Variants in TAFA2 observed in about 807,000 individuals in gnomAD.
TAFA2 encodes the protein chemokine-like protein TAFA-2.
TAFA2 carries 7 observed loss-of-function variants against 18.8 expected under a neutral mutation model. The ratio of observed to expected loss-of-function variants is 0.37; its 90% confidence interval spans 0.21 to 0.70. TAFA2 has a LOEUF of 0.70. Ranked by LOEUF, TAFA2 falls within the 30% of genes least tolerant of loss-of-function variation. TAFA2 has a pLI of 0.53. For missense variants in TAFA2, 122 were observed against 158.1 expected, an observed-to-expected ratio of 0.77 and a Z score of 1.23; for synonymous variants, 60 against 54.2, an observed-to-expected ratio of 1.11 and a Z score of -0.47.
intron 1 of TAFA2, among the ~76,000 whole-genome samples, chr12:62,257,640 T>C (rs1291639142): frequency 6.6e-6 from 1 of 152,178 alleles, no homozygotes; most frequent in African/African-American, 2.4e-5. Flanking sequence ...CTCTCTAGGT[T>C]ACGTTTTAAA....
chr12:62,099,457 A>T (rs973912284), intron 1 of TAFA2, among the ~76,000 whole-genome samples: 1 of 152,168 alleles, frequency 6.6e-6, no homozygotes, highest in Non-Finnish European at 1.5e-5. Flanking sequence ...TAGTTTTGAG[A>T]ATCTTAGACC....
intron 1 of TAFA2, among the ~76,000 whole-genome samples, chr12:62,099,970 C>A (rs547056750): frequency 3.9e-4 from 60 of 152,114 alleles, no homozygotes; most frequent in Non-Finnish European, 7.4e-4. Context: ...TGTAAATATT[C>A]TTTTAAAGTA....
At chr12:61,989,937 C>T (rs1879945163) in intron 1 of TAFA2, among the ~76,000 whole-genome samples, 1 of 152,078 alleles carries the variant, frequency 6.6e-6, no homozygotes, top group Non-Finnish European at 1.5e-5. Flanking sequence ...ATTTCACCTC[C>T]AAAACAGCAC....
intron 1 of TAFA2, among the ~76,000 whole-genome samples, chr12:61,935,023 C>A (rs1361444130): frequency 6.6e-6 from 1 of 152,108 alleles, no homozygotes; most frequent in Non-Finnish European, 1.5e-5. Context: ...CCAAGCCTGG[C>A]ACGAGTACAT....
At chr12:61,921,459 T>C (rs1386620223) in intron 1 of TAFA2, among the ~76,000 whole-genome samples, 1 of 152,168 alleles carries the variant, frequency 6.6e-6, no homozygotes, top group East Asian at 1.9e-4. Context: ...GTTTGTGCAA[T>C]GGAAGAATAG....
chr12:62,197,039 C>A (rs978355864), upstream of TAFA2, among the ~76,000 whole-genome samples: 3 of 152,144 alleles, frequency 2.0e-5, no homozygotes, highest in African/African-American at 7.2e-5. Context: ...AGATCAGCTG[C>A]GGCATTAGAT....
chr12:62,245,232 A>G (rs767651435), intron 1 of TAFA2, among the ~76,000 whole-genome samples: 15 of 152,100 alleles, frequency 9.9e-5, no homozygotes, highest in Non-Finnish European at 1.9e-4. Context: ...CACATAATGA[A>G]TAGTGCAACA....
chr12:62,177,134 G>C lies in TAFA2; in HGVS notation c.-2+14125C>G, dbSNP rs953431904. Reference sequence around the variant, plus strand: ...ATCTCCATAGAAAGCAAAGACAACAGGGGGGAAACCTTCATCCCTTCAGAG... The same window carrying C: ...ATCTCCATAGAAAGCAAAGACAACACGGGGGAAACCTTCATCCCTTCAGAG... On this transcript the variant is annotated intron_variant, in intron 1 of 4. Coordinates refer to ENST00000416284, the MANE Select transcript of TAFA2 (RefSeq NM_178539.5). Among the ~76,000 whole-genome samples, 6 of 152,236 alleles carry C rather than the reference G, an allele frequency of 3.9e-5. No homozygotes were observed. The East Asian group carries it at 9.6e-4, about 24-fold the overall frequency.
At chr12:61,780,397 T>A (rs1350337294) in intron 2 of TAFA2, among the ~76,000 whole-genome samples, 1 of 151,812 alleles carries the variant, frequency 6.6e-6, no homozygotes, top group Non-Finnish European at 1.5e-5. Context: ...AACATGCCCC[T>A]CTGCCTGGCT....
At chr12:62,036,071 A>C (rs1181431201) in intron 1 of TAFA2, among the ~76,000 whole-genome samples, 1 of 151,954 alleles carries the variant, frequency 6.6e-6, no homozygotes, top group Non-Finnish European at 1.5e-5. Flanking sequence ...CCTGTCCTGA[A>C]TACTGTAGCA....
Position 61,927,069 on chromosome 12 carries a change from GAAAAAAAAAAAA to G in TAFA2, c.-1-59655_-1-59644del, listed in dbSNP as rs56908081. Among the ~76,000 whole-genome samples the G allele has an allele frequency of 4.0e-4, 28 of 69,926 alleles. 1 individual carries two copies. Among genetic ancestry groups the G allele is most frequent in the Admixed American group, 1.2e-3 (6 of 5,018 alleles). 45.9% of individuals were successfully genotyped at this position (69,926 alleles called of 152,430 possible). A position where few individuals can be genotyped will look rare whatever the true frequency, so the allele number is the denominator to read the frequency against. ...CAACCTGGTGACAGAGTGAGACTCT[GAAAAAAAAAAAA>G]AAAAAAAAAAAAATACAGGCACAAG... On this transcript the variant is annotated intron_variant, in intron 1 of 4. Transcript: ENST00000416284.
chr12:61,881,130 G>A (rs1237173908), intron 1 of TAFA2, among the ~76,000 whole-genome samples: 1 of 152,012 alleles, frequency 6.6e-6, no homozygotes, highest in African/African-American at 2.4e-5. Flanking sequence ...GAAAAAAGAT[G>A]CCTTGGCCAT....
At chr12:62,224,372 A>C (rs2136980516) in intron 1 of TAFA2, among the ~76,000 whole-genome samples, 1 of 152,240 alleles carries the variant, frequency 6.6e-6, no homozygotes, top group Non-Finnish European at 1.5e-5. Context: ...GAGAAATCCA[A>C]GATCATGGTG....
intron 1 of TAFA2, among the ~76,000 whole-genome samples, chr12:62,222,292 T>C (rs2062766411): frequency 6.6e-6 from 1 of 152,012 alleles, no homozygotes; most frequent in East Asian, 1.9e-4. Flanking sequence ...ATGTACCTTG[T>C]CCAGGAAAAA....
At chr12:61,850,242 T>A (rs1381987459) in intron 2 of TAFA2, among the ~76,000 whole-genome samples, 1 of 152,012 alleles carries the variant, frequency 6.6e-6, no homozygotes, top group East Asian at 1.9e-4. Flanking sequence ...AAAAAAAGAT[T>A]GACAAGCACT....
intron 1 of TAFA2, among the ~76,000 whole-genome samples, chr12:62,094,263 A>G (rs1397264653): frequency 6.6e-6 from 1 of 152,052 alleles, no homozygotes; most frequent in East Asian, 1.9e-4. Flanking sequence ...GTTCTCACTT[A>G]TAAGTGGGAG....
At chr12:62,129,110 C>A (rs998054707) in intron 1 of TAFA2, among the ~76,000 whole-genome samples, 1 of 151,982 alleles carries the variant, frequency 6.6e-6, no homozygotes, top group Non-Finnish European at 1.5e-5. Context: ...TACCCAGAAG[C>A]AGGTATTTTT....
intron 1 of TAFA2, among the ~76,000 whole-genome samples, chr12:62,002,763 G>A (rs955326599): frequency 6.6e-6 from 1 of 151,916 alleles, no homozygotes; most frequent in African/African-American, 2.4e-5. Context: ...CCCTATTCTA[G>A]CTTCACATTC....
chr12:62,021,836 A>G lies in TAFA2; in HGVS notation c.-1-154410T>C. On this transcript the variant is annotated intron_variant, in intron 1 of 4. Coordinates refer to ENST00000416284, the MANE Select transcript of TAFA2 (RefSeq NM_178539.5). ...GGTCTCCGCTGTGGATCATCAGGCC[A>G]TCCACAAAACTTCATGGATTTAGTC... 4 of 814,692 alleles carry G rather than the reference A, an allele frequency of 4.9e-6. 1 individual carries two copies. In the South Asian group the frequency reaches 5.3e-5, roughly 11 times the overall value. The allele number at this position is 814,692 out of a possible 1,614,324, so 50.5% of individuals were successfully genotyped here.
Sources: allele counts gnomAD v4.1 joint callset (sites outside exome capture counted in the v4.1 genomes callset), GRCh38; gene constraint gnomAD v4.1.1; transcripts MANE v1.5; gene names NCBI Gene and HGNC (gene_info 2026-07-23, HGNC 2026-07-21).